TENM2: variants seen among roughly 807,000 people sequenced by gnomAD.
TENM2 encodes teneurin transmembrane protein 2, also known as teneurin-2.
TENM2 carries 52 observed loss-of-function variants against 245.2 expected under a neutral mutation model. That is an observed-to-expected ratio of 0.21 (90% confidence interval 0.17 to 0.27). TENM2 has a LOEUF of 0.27. Ranked by LOEUF, TENM2 falls within the 10% of genes least tolerant of loss-of-function variation. The pLI is 1.00. For missense variants in TENM2, 3,046 were observed against 3,666.8 expected (o/e 0.83, Z 4.37); for synonymous variants, 1,363 against 1,438.9 (o/e 0.95, Z 1.19).
chr5:167,751,559 C>T (rs1463664822), intron 2 of TENM2, among the ~76,000 whole-genome samples: 1 of 152,002 alleles, frequency 6.6e-6, no homozygotes, highest in African/African-American at 2.4e-5. Flanking sequence ...TCACTTTTTG[C>T]AGAGAAAATC....
chr5:167,994,507 A>G (rs1477892306), intron 5 of TENM2, among the ~76,000 whole-genome samples: 1 of 152,206 alleles, frequency 6.6e-6, no homozygotes, highest in Non-Finnish European at 1.5e-5. Flanking sequence ...ACCCCCACAG[A>G]TCTGGGGCCC....
At chr5:167,755,222 G>T (rs769317658) in intron 2 of TENM2, 1 of 1,545,478 alleles carries the variant, frequency 6.5e-7, no homozygotes, top group Non-Finnish European at 8.8e-7. Flanking sequence ...ATGCAGATGG[G>T]GTTTTGCAAG....
chr5:167,828,192 G>T (rs1473660860), intron 2 of TENM2, among the ~76,000 whole-genome samples: 2 of 152,180 alleles, frequency 1.3e-5, no homozygotes, highest in Admixed American at 1.3e-4. Context: ...AGTCAGTGAA[G>T]GGCTAAGGGG....
chr5:167,313,094 G>T (rs992259279), intron 1 of TENM2, among the ~76,000 whole-genome samples: 1 of 151,762 alleles, frequency 6.6e-6, no homozygotes, highest in African/African-American at 2.4e-5. Context: ...GTAGAGACGG[G>T]GTTTCGACAA....
chr5:167,216,886 C>T, the TENM2 span, among the ~76,000 whole-genome samples: 1 of 151,634 alleles, frequency 6.6e-6, no homozygotes, highest in South Asian at 2.1e-4. Flanking sequence ...GAGATCGCAC[C>T]ACTGCACTCT....
At chr5:168,164,422 C>G (rs536618069) in intron 13 of TENM2, among the ~76,000 whole-genome samples, 1 of 152,026 alleles carries the variant, frequency 6.6e-6, no homozygotes, top group East Asian at 1.9e-4. Context: ...CCCCTTAACC[C>G]ACACCTCTCC....
chr5:167,584,637 T>C (rs6867682), intron 2 of TENM2, among the ~76,000 whole-genome samples: 5,930 of 152,108 alleles, frequency 0.039, 280 homozygotes, highest in African/African-American at 0.1. Context: ...CAATCGGCCT[T>C]AGATTCCCTA....
intron 4 of TENM2, among the ~76,000 whole-genome samples, chr5:167,990,861 C>T (rs1376691187): frequency 6.6e-6 from 1 of 152,088 alleles, no homozygotes; most frequent in Non-Finnish European, 1.5e-5. Flanking sequence ...TGCAAACAGC[C>T]AAGATACAAA....
chr5:167,792,741 A>C (rs1226077793), intron 2 of TENM2, among the ~76,000 whole-genome samples: 1 of 152,052 alleles, frequency 6.6e-6, no homozygotes, highest in Admixed American at 6.5e-5. Context: ...GGAAAAAAAA[A>C]AAAAAAGGTG....
At chr5:167,291,762 T>C (rs941504405) in intron 1 of TENM2, among the ~76,000 whole-genome samples, 1 of 152,222 alleles carries the variant, frequency 6.6e-6, no homozygotes, top group Non-Finnish European at 1.5e-5. Flanking sequence ...CTCTGATAGC[T>C]GCAGTAGACT....
the TENM2 span, among the ~76,000 whole-genome samples, chr5:167,044,078 A>AAGGAAGGC: frequency 6.6e-6 from 1 of 151,930 alleles, no homozygotes; most frequent in Non-Finnish European, 1.5e-5. Flanking sequence ...GGAAGGAAGG[A>AAGGAAGGC]AGGAAAGACT....
chr5:168,260,511 C>A, intron 28 of TENM2, 98 bp downstream of exon 30: 1 of 1,417,528 alleles, frequency 7.1e-7, no homozygotes, highest in Non-Finnish European at 9.7e-7. Flanking sequence ...CGCAGGAAAA[C>A]ATTGGAGCTG....
intron 2 of TENM2, among the ~76,000 whole-genome samples, chr5:167,428,422 T>C (rs1383468401): frequency 1.3e-5 from 2 of 152,210 alleles, no homozygotes. Context: ...AACATTTTGG[T>C]CTTCAAATAC....
intron 2 of TENM2, among the ~76,000 whole-genome samples, chr5:167,682,070 TTTCC>T (rs112858059): frequency 0.4 from 53,994 of 134,844 alleles, 12,683 homozygotes; most frequent in East Asian, 0.9. Context: ...TCCTTCCTTC[TTTCC>T]TTCCTTCCTT....
the TENM2 span, among the ~76,000 whole-genome samples, chr5:167,250,860 G>A: frequency 5.9e-5 from 9 of 152,226 alleles, no homozygotes; most frequent in East Asian, 1.7e-3. Flanking sequence ...TATGGCCATG[G>A]ATGTAAATGT....
intron 2 of TENM2, among the ~76,000 whole-genome samples, chr5:167,754,080 A>G (rs1762128259): frequency 6.6e-6 from 1 of 152,212 alleles, no homozygotes; most frequent in African/African-American, 2.4e-5. Context: ...TCCCTTAAAA[A>G]AAAGAAAATT....
At chr5:168,014,790 A>G (rs11950941) in intron 5 of TENM2, among the ~76,000 whole-genome samples, 1 of 152,002 alleles carries the variant, frequency 6.6e-6, no homozygotes, top group East Asian at 1.9e-4. Context: ...CCTGCCCGCA[A>G]CCCCTGCCCA....
chr5:167,414,207 T>C (rs1763049293), intron 2 of TENM2, among the ~76,000 whole-genome samples: 1 of 152,174 alleles, frequency 6.6e-6, no homozygotes, highest in Non-Finnish European at 1.5e-5. Flanking sequence ...AAATACACTT[T>C]ACTGTAAGTT....
intron 5 of TENM2, among the ~76,000 whole-genome samples, chr5:168,019,724 G>A (rs1370817970): frequency 6.6e-6 from 1 of 152,172 alleles, no homozygotes; most frequent in African/African-American, 2.4e-5. Flanking sequence ...GAGTTTCTGG[G>A]ACAAAAGATG....
Sources: gnomAD v4.1 joint callset for allele counts (sites outside exome capture counted in the v4.1 genomes callset) on GRCh38, gnomAD v4.1.1 for gene constraint, MANE v1.5 for transcripts, NCBI Gene and HGNC (gene_info 2026-07-23, HGNC 2026-07-21) for gene names.